PCNT: variants seen among roughly 807,000 people sequenced by gnomAD.
PCNT encodes the protein kendrin.
A neutral mutation model predicts 380.4 loss-of-function variants in PCNT; 319 were observed. The ratio of observed to expected loss-of-function variants is 0.84; its 90% CI spans 0.77 to 0.92. The LOEUF is 0.92. PCNT is among the 40% of genes least tolerant of loss of function. The pLI is 0.00. For synonymous variants in PCNT, 1,845 were observed against 1,735.2 expected (o/e 1.06, Z -1.57); for missense variants, 4,400 against 4,255.3 (o/e 1.03, Z -0.95).
At chr21:46,395,498 G>A (rs1355862712) in intron 21 of PCNT, among the ~76,000 whole-genome samples, 8 of 123,462 alleles carry the variant, frequency 6.5e-5, no homozygotes, top group African/African-American at 2.0e-4. Flanking sequence ...TAATAAAATA[G>A]AGACTTCAGG....
Position 46,346,925 on chromosome 21 carries a change from C to G in PCNT, c.903C>G (p.His301Gln), listed in dbSNP as rs1020485115. ...ELALLQSRQQ[H>Q]ELELLREQHA... ...CCCTGCTACAGAGCAGGCAGCAGCACGAGCTGGAGCTCCTCAGGGAGCAGC... is the reference window on the plus strand; with the variant it reads ...CCCTGCTACAGAGCAGGCAGCAGCAGGAGCTGGAGCTCCTCAGGGAGCAGC... The change falls in exon 5 of 47, where the codon CAC becomes CAG. Residue 301 changes from histidine (H) to glutamine (Q), a missense_variant. Transcript: ENST00000359568. 1.3e-6 allele frequency: 2 copies of G among 1,599,584 alleles called. No individual in the cohort carries two copies.
intron 16 of PCNT, among the ~76,000 whole-genome samples, chr21:46,384,641 G>T (rs61640854): frequency 0.24 from 28,870 of 119,572 alleles, 6,895 homozygotes; most frequent in African/African-American, 0.53. Flanking sequence ...GTGCATTCAG[G>T]GGCGGAAGTG....
chr21:46,384,185 C>T (rs1360450425), intron 16 of PCNT, among the ~76,000 whole-genome samples: 10 of 144,744 alleles, frequency 6.9e-5, no homozygotes, highest in African/African-American at 2.0e-4. Flanking sequence ...AGCGCATTCA[C>T]GGTGTTGTGC....
intron 15 of PCNT, among the ~76,000 whole-genome samples, chr21:46,378,890 G>A (rs1036659161): frequency 2.0e-5 from 3 of 151,958 alleles, no homozygotes; most frequent in South Asian, 2.1e-4. Context: ...TTTTGTGCTC[G>A]TTACTTTATG....
Position 46,351,409 on chromosome 21 carries a change from G to C in PCNT, c.1345-20G>C, listed in dbSNP as rs1049551384. On this transcript the variant is annotated intron_variant, in intron 8 of 46. Coordinates refer to ENST00000359568, the MANE Select transcript of PCNT (RefSeq NM_006031.6). ...CCTTGAGCTCATTAGGGTTTCACCT[G>C]GACACTTTGCTTTTTCCAGTTAGAG... 4 of 1,389,984 alleles carry C rather than the reference G, an allele frequency of 2.9e-6. No homozygotes were observed. The African/African-American group carries it at 5.7e-5, about 20-fold the overall frequency. 86.1% of individuals were successfully genotyped at this position (1,389,984 alleles called of 1,614,324 possible).
chr21:46,347,091 C>T (rs1042886634), intron 5 of PCNT, 93 bp downstream of exon 5: 6 of 1,432,012 alleles, frequency 4.2e-6, no homozygotes, highest in Middle Eastern at 2.5e-4. Context: ...CTGGGGCGCC[C>T]TAGCACCGTC....
At chr21:46,328,268 T>C (rs80037009) in intron 2 of PCNT, among the ~76,000 whole-genome samples, 1,211 of 27,646 alleles carry the variant, frequency 0.044, 11 homozygotes, top group African/African-American at 0.083. Flanking sequence ...TTTTTTTTTT[T>C]CCCGTTTTCT....
intron 21 of PCNT, among the ~76,000 whole-genome samples, chr21:46,391,846 G>A (rs1388548555): frequency 1.3e-5 from 2 of 152,256 alleles, no homozygotes; most frequent in Non-Finnish European, 2.9e-5. Flanking sequence ...CAAAACATAA[G>A]TTTAAAATGT....
chr21:46,327,558 G>C (rs1276083447), intron 2 of PCNT, among the ~76,000 whole-genome samples: 1 of 152,074 alleles, frequency 6.6e-6, no homozygotes, highest in Middle Eastern at 3.2e-3. Flanking sequence ...GAGCCACTGC[G>C]CCTGGCCCTG....
chr21:46,355,718 C>G, intron 12 of PCNT, 92 bp downstream of exon 12: 1 of 1,277,650 alleles, frequency 7.8e-7, no homozygotes, highest in Non-Finnish European at 1.1e-6. Context: ...GATCCAAGTC[C>G]TCCGTGAAGC....
At chr21:46,325,256 A>C in intron 1 of PCNT, 5 of 953,256 alleles carry the variant, frequency 5.2e-6, no homozygotes, top group Non-Finnish European at 5.0e-6. Flanking sequence ...GGTGCTGGGG[A>C]AGAGCGGGGC....
chr21:46,433,779 A>T (rs930708479), intron 38 of PCNT, among the ~76,000 whole-genome samples: 12 of 150,094 alleles, frequency 8.0e-5, no homozygotes, highest in Non-Finnish European at 1.5e-4. Context: ...TTATTTATTA[A>T]TTTTTTTTTT....
chr21:46,351,566 G>A (rs182695816), intron 9 of PCNT, 26 bp downstream of exon 9: 1 of 1,301,222 alleles, frequency 7.7e-7, no homozygotes, highest in South Asian at 1.2e-5. Flanking sequence ...GGAAAATTCA[G>A]ATCCTCAAAA....
intron 13 of PCNT, among the ~76,000 whole-genome samples, chr21:46,358,688 G>T (rs969610569): frequency 3.3e-5 from 5 of 150,560 alleles, no homozygotes; most frequent in African/African-American, 1.2e-4. Flanking sequence ...GTAGTGGCGC[G>T]ATCTCAGCTC....
chr21:46,404,980 T>C (rs921859571), intron 27 of PCNT, among the ~76,000 whole-genome samples: 3 of 152,152 alleles, frequency 2.0e-5, no homozygotes, highest in Non-Finnish European at 4.4e-5. Flanking sequence ...CTCTCACACC[T>C]GTAATCCCAG....
At chr21:46,385,722 A>G (rs1418637601) in intron 16 of PCNT, 110 bp from the exon 17 acceptor site, 5 of 1,205,122 alleles carry the variant, frequency 4.1e-6, no homozygotes, top group South Asian at 2.4e-5. Flanking sequence ...CAAGCTGAAA[A>G]GTCCTAAGTC....
In PCNT at chr21:46,416,561, C is replaced by T; in HGVS notation, c.6643C>T (p.Pro2215Ser). The change falls in exon 30 of 47, where the codon CCG (proline) becomes TCG (serine). Residue 2215 changes from proline (P) to serine (S), a missense_variant. Transcript: ENST00000359568. ...HTAEAGPRKS[P>S]VGMLDLSSWS... ...TGCAGAGGCTGGGCCCCGGAAGAGC[C>T]CGGTCGGGATGCTGGACCTGTCTTC... The T allele has an allele frequency of 6.2e-7, 1 of 1,612,368 alleles. No homozygotes were observed. The highest frequency in any genetic ancestry group is 8.5e-7 in the Non-Finnish European group (1 of 1,179,340).
At chr21:46,394,189 G>A (rs199987728) in intron 21 of PCNT, among the ~76,000 whole-genome samples, 4 of 152,342 alleles carry the variant, frequency 2.6e-5, no homozygotes, top group African/African-American at 9.6e-5. Context: ...TGACGGTGGC[G>A]TGAACCCGGC....
chr21:46,334,157 A>AT (rs1228737484), intron 2 of PCNT, among the ~76,000 whole-genome samples: 1 of 148,830 alleles, frequency 6.7e-6, no homozygotes, highest in East Asian at 2.1e-4. Context: ...GTGAGCTGAG[A>AT]TTGTGCCACT....
Sources: gnomAD v4.1 joint callset for allele counts (sites outside exome capture counted in the v4.1 genomes callset) on GRCh38, gnomAD v4.1.1 for gene constraint, MANE v1.5 for transcripts, NCBI Gene and HGNC (gene_info 2026-07-23, HGNC 2026-07-21) for gene names.